CCSER1: variants seen among roughly 807,000 people sequenced by gnomAD.
CCSER1 encodes coiled-coil serine rich protein 1, also known as serine-rich coiled-coil domain-containing protein 1.
A neutral mutation model predicts 82.0 loss-of-function variants in CCSER1; 41 were observed. The ratio of observed to expected loss-of-function variants is 0.50; its 90% confidence interval spans 0.39 to 0.65. The LOEUF is 0.65. Ranked by LOEUF, CCSER1 falls within the 30% of genes least tolerant of loss-of-function variation. The pLI is 0.00. For missense variants in CCSER1, 1,119 were observed against 1,064.2 expected (o/e 1.05, Z -0.72); for synonymous variants, 414 against 383.9 (o/e 1.08, Z -0.92).
chr4:91,140,947 AC>A (rs1728966544), intron 10 of CCSER1, among the ~76,000 whole-genome samples: 1 of 151,904 alleles, frequency 6.6e-6, no homozygotes, highest in Non-Finnish European at 1.5e-5. Context: ...TAGTTTCTCA[AC>A]CCTGGCACCC....
chr4:91,569,861 G>A (rs1763083284), intron 10 of CCSER1, among the ~76,000 whole-genome samples: 1 of 152,098 alleles, frequency 6.6e-6, no homozygotes, highest in African/African-American at 2.4e-5. Context: ...ACAGTTCCCT[G>A]CAGTCTTAGA....
At chr4:91,163,827 C>T (rs947580770) in intron 10 of CCSER1, among the ~76,000 whole-genome samples, 1 of 152,054 alleles carries the variant, frequency 6.6e-6, no homozygotes, top group Non-Finnish European at 1.5e-5. Context: ...ATGTGTGTCT[C>T]TGCAAGTGAG....
intron 10 of CCSER1, among the ~76,000 whole-genome samples, chr4:91,431,466 C>CT (rs970485290): frequency 2.0e-5 from 3 of 151,688 alleles, no homozygotes; most frequent in Admixed American, 6.6e-5. Context: ...CATTTCTTCC[C>CT]TTTTTTTTCG....
chr4:90,245,389 A>G (rs1003448745), intron 1 of CCSER1, among the ~76,000 whole-genome samples: 12 of 152,066 alleles, frequency 7.9e-5, no homozygotes, highest in Non-Finnish European at 1.5e-4. Flanking sequence ...AGCTGAAACA[A>G]GGTGCTGGTA....
intron 10 of CCSER1, among the ~76,000 whole-genome samples, chr4:91,287,283 A>C (rs1022057374): frequency 1.3e-5 from 2 of 151,954 alleles, no homozygotes; most frequent in African/African-American, 4.8e-5. Flanking sequence ...AGTGTCTGTA[A>C]GAACAGATGT....
At chr4:91,256,328 T>C (rs1259029138) in intron 10 of CCSER1, among the ~76,000 whole-genome samples, 1 of 152,184 alleles carries the variant, frequency 6.6e-6, no homozygotes. Flanking sequence ...TCAATGACAA[T>C]GCATACACAG....
At chr4:91,194,947 G>T (rs1735291662) in intron 10 of CCSER1, among the ~76,000 whole-genome samples, 1 of 152,120 alleles carries the variant, frequency 6.6e-6, no homozygotes, top group African/African-American at 2.4e-5. Flanking sequence ...AAGTAATTGG[G>T]TTATCTGAGA....
intron 5 of CCSER1, among the ~76,000 whole-genome samples, chr4:90,548,141 A>T (rs939596431): frequency 6.6e-6 from 1 of 152,118 alleles, no homozygotes; most frequent in African/African-American, 2.4e-5. Flanking sequence ...CCAGAAAAAA[A>T]AAATTATAAT....
rs140114050 is a variant in CCSER1 at position 90,715,079 on chromosome 4, A to G, written c.1933-8835A>G. 4.7e-4 allele frequency among the ~76,000 whole-genome samples: 71 copies of G among 152,078 alleles called. 1 individual carries two copies. In the East Asian group the frequency reaches 0.011, roughly 24 times the overall value. ...TCCAGTTATTGCTTCCTACCTTTAT[A>G]TGAAACAAAGAACCTTTAGGTCTGT... On this transcript the variant is annotated intron_variant, in intron 6 of 10. Coordinates refer to ENST00000509176, the MANE Select transcript of CCSER1 (RefSeq NM_001145065.2).
At chr4:90,227,585 T>C (rs1743429519) in intron 1 of CCSER1, among the ~76,000 whole-genome samples, 1 of 152,190 alleles carries the variant, frequency 6.6e-6, no homozygotes, top group South Asian at 2.1e-4. Context: ...AGCATTAACA[T>C]TGAAAATTAT....
In CCSER1 at chr4:90,572,385, G is replaced by A. The variant is rs58478559; in HGVS notation, c.1725-55640G>A. ...ACCTGGATCTTTACATCTTTATTCA[G>A]GTTTGGAAATTACCTACTACTATCT... On this transcript the variant is annotated intron_variant, in intron 5 of 10. Transcript: ENST00000509176. 3.4e-3 allele frequency among the ~76,000 whole-genome samples: 519 copies of A among 151,868 alleles called. 1 individual carries two copies. The highest frequency in any genetic ancestry group is 0.012 in the African/African-American group (501 of 41,396).
chr4:90,333,773 C>T lies in CCSER1; in HGVS notation c.1509+20726C>T, dbSNP rs1439455116. 3.9e-5 allele frequency among the ~76,000 whole-genome samples: 6 copies of T among 152,254 alleles called. No homozygotes were observed. The South Asian group carries it at 1.2e-3, about 32-fold the overall frequency. On this transcript the variant is annotated intron_variant, in intron 3 of 10. Transcript: ENST00000509176. ...CACAATAGTAAATTGGTTCAAAGAG[C>T]ATTTGATTAACTGGATATTTATAGC... is the stretch of plus-strand genomic sequence containing the variant.
At chr4:90,326,134 C>G (rs1354185887) in intron 3 of CCSER1, among the ~76,000 whole-genome samples, 1 of 148,122 alleles carries the variant, frequency 6.8e-6, no homozygotes, top group Non-Finnish European at 1.5e-5. Flanking sequence ...TCTCGGCTCA[C>G]TGCAAGCTCC....
At chr4:90,503,424 A>G (rs1378509737) in intron 5 of CCSER1, among the ~76,000 whole-genome samples, 1 of 152,032 alleles carries the variant, frequency 6.6e-6, no homozygotes, top group Non-Finnish European at 1.5e-5. Context: ...TTCTTTTTTT[A>G]ATTATACTTT....
intron 1 of CCSER1, among the ~76,000 whole-genome samples, chr4:90,267,561 G>T (rs1478351672): frequency 6.6e-6 from 1 of 152,132 alleles, no homozygotes; most frequent in Admixed American, 6.5e-5. Flanking sequence ...CTTCGGGTCT[G>T]ACCCAGCATA....
intron 7 of CCSER1, among the ~76,000 whole-genome samples, chr4:90,792,305 A>G (rs1257717009): frequency 1.3e-5 from 2 of 152,236 alleles, no homozygotes; most frequent in East Asian, 3.9e-4. Flanking sequence ...ATAGGGTACT[A>G]TGTATATTTT....
At chr4:90,607,215 A>G (rs1179719160) in intron 5 of CCSER1, among the ~76,000 whole-genome samples, 1 of 152,186 alleles carries the variant, frequency 6.6e-6, no homozygotes, top group Non-Finnish European at 1.5e-5. Context: ...AGGCAGTGAA[A>G]ACCGTTGGCT....
At chr4:90,417,390 A>G (rs1755968683) in intron 4 of CCSER1, among the ~76,000 whole-genome samples, 1 of 152,124 alleles carries the variant, frequency 6.6e-6, no homozygotes, top group Admixed American at 6.6e-5. Flanking sequence ...TTAACCATTA[A>G]TCATTAATAC....
chr4:90,859,170 T>C (rs1764784042), intron 8 of CCSER1, among the ~76,000 whole-genome samples: 1 of 151,824 alleles, frequency 6.6e-6, no homozygotes, highest in African/African-American at 2.4e-5. Flanking sequence ...CTGACACACA[T>C]TGTTGTTTGG....
Sources: gnomAD v4.1 joint callset for allele counts (sites outside exome capture counted in the v4.1 genomes callset) on GRCh38, gnomAD v4.1.1 for gene constraint, MANE v1.5 for transcripts, NCBI Gene and HGNC (gene_info 2026-07-23, HGNC 2026-07-21) for gene names.